The following DVL2 variants were observed in gnomAD, a reference collection of about 807,000 sequenced individuals.
The protein encoded by DVL2 is segment polarity protein dishevelled homolog DVL-2.
A neutral mutation model predicts 69.8 loss-of-function variants in DVL2; 38 were observed. That is an observed-to-expected ratio of 0.54 (90% CI 0.42 to 0.71). DVL2 has a LOEUF of 0.71. Among genes scored for constraint, DVL2 ranks in the 30% least tolerant of loss-of-function variants. The pLI is 0.00. For missense variants in DVL2, 931 were observed against 1,008.1 expected, an observed-to-expected ratio of 0.92 and a Z score of 1.04; for synonymous variants, 428 against 392.4, an observed-to-expected ratio of 1.09 and a Z score of -1.07.
chr17:7,229,364 G>C lies in DVL2; in HGVS notation c.817+14C>G. The C allele has an allele frequency of 1.9e-6, 3 of 1,613,910 alleles. No homozygotes were observed. The South Asian group carries it at 3.3e-5, about 18-fold the overall frequency. On this transcript the variant is annotated intron_variant, in intron 7 of 14. Transcript: ENST00000005340. This position sits in a 1 kb window ranked among gnomAD's most constrained non-coding sequence, Gnocchi z 4.4. Reference sequence around the variant, plus strand: ...AGGCCCTCCCCACGCCCTAGCCACAGGCTCTCCCCATACCCATGTTTAGCG... The same window carrying C: ...AGGCCCTCCCCACGCCCTAGCCACACGCTCTCCCCATACCCATGTTTAGCG...
chr17:7,230,621 G>A, intron 2 of DVL2, 107 bp downstream of exon 2: 1 of 1,348,146 alleles, frequency 7.4e-7, no homozygotes, highest in Non-Finnish European at 1.0e-6. Context: ...GAGGTAAAGA[G>A]CCAGGGCTGC....
intron 1 of DVL2, among the ~76,000 whole-genome samples, chr17:7,233,448 TTTG>T (rs1469793003): frequency 6.6e-6 from 1 of 151,822 alleles, no homozygotes; most frequent in Non-Finnish European, 1.5e-5. Flanking sequence ...CCAAGTGTTT[TTTG>T]TTTTTTTTCT....
chr17:7,225,850 T>C lies in DVL2; in HGVS notation c.*15A>G. ...CACACCAGGAGCGCCCGGCCCAGCC[T>C]GGCCCCACAGTGGGCTACATAACAT... On this transcript the variant is annotated 3_prime_UTR_variant, in exon 15 of 15. Coordinates refer to ENST00000005340, the MANE Select transcript of DVL2 (RefSeq NM_004422.3). 1 of 1,611,982 alleles carries C rather than the reference T, an allele frequency of 6.2e-7. No individual in the cohort carries two copies. The highest frequency in any genetic ancestry group is 8.5e-7 in the Non-Finnish European group (1 of 1,178,730).
At chr17:7,226,822 A>G (rs995024888) in intron 13 of DVL2, 183 bp from the exon 14 acceptor site, 1 of 634,250 alleles carries the variant, frequency 1.6e-6, no homozygotes, top group Non-Finnish European at 2.7e-6. Context: ...GCAGGGGCAC[A>G]GCCACTAGCC....
chr17:7,233,718 G>A (rs909697570), intron 1 of DVL2, among the ~76,000 whole-genome samples: 17 of 152,174 alleles, frequency 1.1e-4, no homozygotes, highest in African/African-American at 4.1e-4. Context: ...AAAGTGCTGG[G>A]ATTACAGGCG....
rs375396343 is a variant in DVL2, at chr17:7,226,087, C to G, written c.1989G>C (p.Gly663=). ...GGAPNLRAHP[G]LHPYGPPPGM... is the part of the protein sequence containing the mutation. The stretch of plus-strand genomic sequence containing the variant: ...CAGGGGGCGGTCCATAGGGATGGAG[C>G]CCTGGGTGGGCTCGGAGATTAGGGG... Residue 663 remains glycine (G), a synonymous_variant, in exon 15 of 15, where the codon GGG becomes GGC. Transcript: ENST00000005340. 6.3e-7 allele frequency: 1 copy of G among 1,595,460 alleles called. No homozygotes were observed. Among genetic ancestry groups the G allele is most frequent in the Non-Finnish European group, 8.5e-7 (1 of 1,169,802 alleles).
Position 7,228,960 on chromosome 17 carries a change from G to T in DVL2, c.1034+9C>A, listed in dbSNP as rs1212177543. On this transcript the variant is annotated intron_variant, in intron 9 of 14. Transcript: ENST00000005340. ...GGACTGAGGACCGGCAACCTGCTTGGCAACTCACCCAGGCTTGTGCACAAT... is the reference window on the plus strand; with the variant it reads ...GGACTGAGGACCGGCAACCTGCTTGTCAACTCACCCAGGCTTGTGCACAAT... 1.9e-6 allele frequency: 3 copies of T among 1,613,620 alleles called. No individual in the cohort carries two copies. The African/African-American group carries it at 4.0e-5, about 22-fold the overall frequency.
chr17:7,227,117 C>T lies in DVL2; in HGVS notation c.1516G>A (p.Gly506Arg), dbSNP rs1320127388. Reference sequence around the variant, plus strand: ...CTCTCACAGCCACCACTGAGGTCTCCGAAGACGTAATAGCACTGCTCAGAG... The same window carrying T: ...CTCTCACAGCCACCACTGAGGTCTCTGAAGACGTAATAGCACTGCTCAGAG... ...TFSEQCYYVF[G>R]DLSGGCESYL... Residue 506 changes from glycine to arginine, a missense_variant, in exon 13 of 15, where the codon GGA becomes AGA. Coordinates refer to ENST00000005340, the MANE Select transcript of DVL2 (RefSeq NM_004422.3). 6.2e-6 allele frequency: 10 copies of T among 1,613,184 alleles called. No homozygotes were observed. Among genetic ancestry groups the T allele is most frequent in the Non-Finnish European group, 7.6e-6 (9 of 1,179,556 alleles).
intron 1 of DVL2, among the ~76,000 whole-genome samples, chr17:7,232,717 ATCTT>A (rs1170715741): frequency 2.0e-5 from 3 of 152,224 alleles, no homozygotes; most frequent in Non-Finnish European, 4.4e-5. Flanking sequence ...ATGTCAAACA[ATCTT>A]TCTAGCTAGA....
Position 7,229,104 on chromosome 17 carries a change from A to G in DVL2, c.957+31T>C. On this transcript the variant is annotated intron_variant, in intron 8 of 14. Transcript: ENST00000005340. This position sits in a 1 kb window ranked among gnomAD's most constrained non-coding sequence, Gnocchi z 4.4. ...TGGGAGAGGCTGAGGGCCCCCGTGC[A>G]GGGCAGCTCAGTGGCCCTACCCCAG... 1 of 1,614,008 alleles carries G rather than the reference A, an allele frequency of 6.2e-7. No homozygotes were observed. Among genetic ancestry groups the G allele is most frequent in the Non-Finnish European group, 8.5e-7 (1 of 1,179,870 alleles).
At chr17:7,227,870 T>G in intron 10 of DVL2, 87 bp from the exon 11 acceptor site, 1 of 1,558,494 alleles carries the variant, frequency 6.4e-7, no homozygotes, top group Non-Finnish European at 8.7e-7. Flanking sequence ...CTGTTCCACC[T>G]CTGCCTGGAC....
chr17:7,227,176 C>T lies in DVL2; in HGVS notation c.1457G>A (p.Gly486Asp). The change falls in exon 13 of 15, where the codon GGC becomes GAC. Residue 486 changes from glycine (G) to aspartate (D), a missense_variant. Around this residue, in one of 3 missense-constraint regions of DVL2, gnomAD observed 62 missense variants for 105.7 expected, o/e 0.59. Coordinates refer to ENST00000005340, the MANE Select transcript of DVL2 (RefSeq NM_004422.3). ...CTTGTTGACGGTGTGTCGGATCAGGCCTGCTTTGAGCAGCCCGCTGGCATA... is the reference window on the plus strand; with the variant it reads ...CTTGTTGACGGTGTGTCGGATCAGGTCTGCTTTGAGCAGCCCGCTGGCATA... ...RKYASGLLKA[G>D]LIRHTVNKIT... is the part of the protein sequence containing the mutation. 1.2e-6 allele frequency: 2 copies of T among 1,614,130 alleles called. No individual in the cohort carries two copies. Among genetic ancestry groups the T allele is most frequent in the Non-Finnish European group, 1.7e-6 (2 of 1,180,016 alleles).
At position 7,228,003 on chromosome 17, in the gene DVL2, G is replaced by A. The variant is rs1184490581; in HGVS notation, c.1076C>T (p.Pro359Leu). The A allele has an allele frequency of 9.0e-6, 14 of 1,560,158 alleles. No individual in the cohort carries two copies. Among genetic ancestry groups the A allele is most frequent in the Non-Finnish European group, 1.2e-5 (14 of 1,154,368 alleles). The change falls in exon 10 of 15, where the codon CCT (proline) becomes CTT (leucine). Residue 359 changes from proline to leucine, a missense_variant. By Grantham distance (98) the Pro-to-Leu change is moderately conservative. Transcript: ENST00000005340. ...LTVAKCWDPS[P>L]QAYFTLPRNE... is the part of the protein sequence containing the mutation. ...TCGGGGGAGAGTGAAATAGGCCTGA[G>A]GAGAGGGATCCCAGCACTTGGCCAC...
At chr17:7,232,256 CACA>C (rs1422112167) in intron 1 of DVL2, among the ~76,000 whole-genome samples, 1 of 152,228 alleles carries the variant, frequency 6.6e-6, no homozygotes, top group Non-Finnish European at 1.5e-5. Flanking sequence ...TCTTTCCACA[CACA>C]ACCTTAGCCC....
Position 7,234,395 on chromosome 17 carries a change from G to A in DVL2, c.-133C>T, listed in dbSNP as rs2142994798. 9 of 1,048,502 alleles carry A rather than the reference G, an allele frequency of 8.6e-6. No homozygotes were observed. The highest frequency in any genetic ancestry group is 1.2e-5 in the Non-Finnish European group (9 of 739,750). 64.9% of individuals were successfully genotyped at this position (1,048,502 alleles called of 1,614,324 possible). On this transcript the variant is annotated 5_prime_UTR_variant, in exon 1 of 15. Coordinates refer to ENST00000005340, the MANE Select transcript of DVL2 (RefSeq NM_004422.3). Reference sequence around the variant, plus strand: ...CCCAGTACGGGAGAGAAGCAAAGGGGAAAAAGCACGGATCTGCGAGGGTGG... The same window carrying A: ...CCCAGTACGGGAGAGAAGCAAAGGGAAAAAAGCACGGATCTGCGAGGGTGG...
chr17:7,233,789 A>T (rs2071585888), intron 1 of DVL2: 1 of 521,994 alleles, frequency 1.9e-6, no homozygotes, highest in African/African-American at 1.9e-5. Flanking sequence ...CTCAGTACAG[A>T]CTAGAATACT....
chr17:7,225,466 C>T lies in DVL2; in HGVS notation c.*399G>A, dbSNP rs752825427. ...GGCTGCTGTCTAGGATGCCTAACCC[C>T]GGGGTACCGCTGACCACCCCCAACC... On this transcript the variant is annotated 3_prime_UTR_variant, in exon 15 of 15. Coordinates refer to ENST00000005340, the MANE Select transcript of DVL2 (RefSeq NM_004422.3). 2.3e-5 allele frequency: 10 copies of T among 428,962 alleles called. No homozygotes were observed. Among genetic ancestry groups the T allele is most frequent in the Admixed American group, 1.2e-4 (3 of 25,620 alleles). The allele number at this position is 428,962 out of a possible 1,614,324, so 26.6% of individuals were successfully genotyped here.
chr17:7,230,186 A>G, intron 3 of DVL2, 31 bp from the exon 4 acceptor site: 1 of 1,612,090 alleles, frequency 6.2e-7, no homozygotes, highest in South Asian at 1.1e-5. Flanking sequence ...TCCAACCCAC[A>G]TCAGGAGAAC....
chr17:7,226,664 G>C (rs749474221), intron 13 of DVL2, 25 bp from the exon 14 acceptor site: 2 of 1,479,676 alleles, frequency 1.4e-6, no homozygotes, highest in African/African-American at 2.8e-5. Context: ...AAGAGAGGAA[G>C]AAATCACTGC....
Sources: gnomAD v4.1 joint callset for allele counts (sites outside exome capture counted in the v4.1 genomes callset) on GRCh38, gnomAD v4.1.1 for gene constraint, gnomAD v4.1.1 regional missense constraint, Gnocchi (gnomAD v3.1) non-coding constraint, MANE v1.5 for transcripts, NCBI Gene and HGNC (gene_info 2026-07-23, HGNC 2026-07-21) for gene names.